Variants in MIR2052HG observed in about 807,000 individuals in gnomAD.
MIR2052HG encodes MIR2052 host gene.
intron 4 of MIR2052HG, among the ~76,000 whole-genome samples, chr8:74,713,986 ATCCTAAGAGAGTC>A (rs1159656624): frequency 6.6e-6 from 1 of 152,072 alleles, no homozygotes; most frequent in African/African-American, 2.4e-5. Context: ...AGTTCATGAA[ATCCTAAGAGAGTC>A]TCCTAAGAGA....
chr8:74,753,120 A>G (rs1191258885), intron 5 of MIR2052HG, among the ~76,000 whole-genome samples: 1 of 152,198 alleles, frequency 6.6e-6, no homozygotes, highest in Non-Finnish European at 1.5e-5. Flanking sequence ...TAGCTCTACT[A>G]GCTAATCTAA....
chr8:74,711,707 T>C (rs10097175), intron 4 of MIR2052HG, among the ~76,000 whole-genome samples: 20,641 of 152,234 alleles, frequency 0.14, 3,542 homozygotes, highest in African/African-American at 0.4. Flanking sequence ...CCCTTTACAT[T>C]TGTACATTTG....
intron 2 of MIR2052HG, among the ~76,000 whole-genome samples, chr8:74,644,170 G>A (rs1808667816): frequency 6.6e-6 from 1 of 152,092 alleles, no homozygotes; most frequent in Non-Finnish European, 1.5e-5. Context: ...CCCTCCATAT[G>A]TCACATTGTG....
At chr8:74,687,449 G>A (rs959091334) in intron 2 of MIR2052HG, among the ~76,000 whole-genome samples, 1 of 152,102 alleles carries the variant, frequency 6.6e-6, no homozygotes, top group African/African-American at 2.4e-5. Flanking sequence ...CAACCCAAGT[G>A]TCCAGTGACA....
At chr8:74,609,190 C>A (rs919290198) in intron 1 of MIR2052HG, among the ~76,000 whole-genome samples, 2 of 151,784 alleles carry the variant, frequency 1.3e-5, no homozygotes, top group Admixed American at 1.3e-4. Flanking sequence ...ATAAATTTGA[C>A]TACTTACAAG....
intron 4 of MIR2052HG, among the ~76,000 whole-genome samples, chr8:74,737,978 C>G (rs2042664): frequency 0.16 from 24,221 of 151,486 alleles, 2,620 homozygotes; most frequent in Middle Eastern, 0.29. Flanking sequence ...TATCTATTAT[C>G]TATGTATGTA....
At chr8:74,693,611 G>A (rs1274493604) in intron 2 of MIR2052HG, among the ~76,000 whole-genome samples, 4 of 139,714 alleles carry the variant, frequency 2.9e-5, no homozygotes, top group Admixed American at 6.8e-5. Context: ...TTGCGGGGGC[G>A]GGGGGGGAGG....
Position 74,677,108 on chromosome 8 carries a change from A to T in MIR2052HG, n.217-25271A>T, listed in dbSNP as rs112735432. On this transcript the variant is annotated intron_variant and non_coding_transcript_variant, in intron 2 of 6. Transcript: ENST00000523442. Reference sequence around the variant, plus strand: ...AAAAGCATCAGTAGAAATAGAAAAGATGATTAAATAATGTTGAAGAGCTCA... The same window carrying T: ...AAAAGCATCAGTAGAAATAGAAAAGTTGATTAAATAATGTTGAAGAGCTCA... 1.6e-4 allele frequency among the ~76,000 whole-genome samples: 25 copies of T among 152,174 alleles called. 3 individuals carry two copies. Among genetic ancestry groups the T allele is most frequent in the African/African-American group, 5.8e-4 (24 of 41,592 alleles).
chr8:74,743,709 G>A (rs1809854751), intron 4 of MIR2052HG, among the ~76,000 whole-genome samples: 1 of 152,154 alleles, frequency 6.6e-6, no homozygotes, highest in Non-Finnish European at 1.5e-5. Flanking sequence ...TATACCACCT[G>A]GGTGGGATAG....
chr8:74,634,979 C>A (rs964793499), intron 2 of MIR2052HG, among the ~76,000 whole-genome samples: 1 of 151,960 alleles, frequency 6.6e-6, no homozygotes, highest in Non-Finnish European at 1.5e-5. Context: ...AATGTATATT[C>A]ATTAGTCTAA....
chr8:74,675,522 G>T (rs1809041482), intron 2 of MIR2052HG, among the ~76,000 whole-genome samples: 2 of 151,948 alleles, frequency 1.3e-5, no homozygotes, highest in South Asian at 4.1e-4. Flanking sequence ...GGGGGTCCTG[G>T]AACCAATCCC....
intron 2 of MIR2052HG, among the ~76,000 whole-genome samples, chr8:74,618,200 C>T (rs552965651): frequency 5.5e-4 from 84 of 152,346 alleles, no homozygotes; most frequent in African/African-American, 2.0e-3. Flanking sequence ...GATCAGCAGG[C>T]ACTCTTTGAC....
At chr8:74,685,239 G>A (rs1411682511) in intron 2 of MIR2052HG, among the ~76,000 whole-genome samples, 2 of 151,852 alleles carry the variant, frequency 1.3e-5, no homozygotes, top group African/African-American at 4.8e-5. Flanking sequence ...TTCTAATATG[G>A]CTAAGATATA....
At chr8:74,711,061 T>C (rs1809463752) in intron 4 of MIR2052HG, among the ~76,000 whole-genome samples, 1 of 152,180 alleles carries the variant, frequency 6.6e-6, no homozygotes, top group African/African-American at 2.4e-5. Flanking sequence ...TTCTCCTTTC[T>C]CTTCTTCAAT....
intron 4 of MIR2052HG, among the ~76,000 whole-genome samples, chr8:74,709,092 A>G (rs1425494753): frequency 1.3e-5 from 2 of 152,108 alleles, no homozygotes; most frequent in Non-Finnish European, 1.5e-5. Context: ...ATAATCATCA[A>G]TATCAGATGG....
At chr8:74,722,121 G>A (rs1207675010) in intron 4 of MIR2052HG, among the ~76,000 whole-genome samples, 1 of 152,106 alleles carries the variant, frequency 6.6e-6, no homozygotes, top group African/African-American at 2.4e-5. Flanking sequence ...AGGCTGCAGT[G>A]AGCCATGATC....
intron 2 of MIR2052HG, among the ~76,000 whole-genome samples, chr8:74,634,071 G>A (rs1013663147): frequency 2.6e-5 from 4 of 152,176 alleles, no homozygotes; most frequent in African/African-American, 9.7e-5. Context: ...TCAGTAAGGT[G>A]GAGAGGCTTG....
chr8:74,756,351 C>T (rs960606021), intron 5 of MIR2052HG, among the ~76,000 whole-genome samples: 3 of 152,098 alleles, frequency 2.0e-5, no homozygotes, highest in Non-Finnish European at 4.4e-5. Context: ...TATCTAGAGG[C>T]CTACCACGAG....
intron 2 of MIR2052HG, among the ~76,000 whole-genome samples, chr8:74,698,879 T>C (rs1295706558): frequency 1.3e-5 from 2 of 152,056 alleles, no homozygotes; most frequent in Non-Finnish European, 2.9e-5. Flanking sequence ...CTGCATGTTC[T>C]GCACAAGTAT....
Sources: allele counts gnomAD v4.1 joint callset (sites outside exome capture counted in the v4.1 genomes callset), GRCh38; gene constraint gnomAD v4.1.1; transcripts MANE v1.5; gene names NCBI Gene and HGNC (gene_info 2026-07-23, HGNC 2026-07-21).